Variants in NCAM1 observed in about 807,000 individuals in gnomAD.
NCAM1 encodes neural cell adhesion molecule 1.
NCAM1 carries 14 observed loss-of-function variants against 109.8 expected under a neutral mutation model. The observed-to-expected ratio is 0.13, with a 90% confidence interval of 0.08 to 0.20. The LOEUF (loss-of-function observed/expected upper bound fraction) is 0.20. Among genes scored for constraint, NCAM1 ranks in the 10% least tolerant of loss-of-function variants. The pLI is 1.00. For missense variants in NCAM1, 774 were observed against 1,109.9 expected, an observed-to-expected ratio of 0.70 and a Z score of 4.30; for synonymous variants, 418 against 442.9, an observed-to-expected ratio of 0.94 and a Z score of 0.70.
chr11:113,220,602 C>CTTTTTTTTTTTTTTTTTTTT (rs1175342641), intron 8 of NCAM1, among the ~76,000 whole-genome samples: 6 of 75,592 alleles, frequency 7.9e-5, no homozygotes, highest in African/African-American at 1.8e-4. Context: ...CTCTCTCTCT[C>CTTTTTTTTTTTTTTTTTTTT]TTTTTTTTTT....
At position 112,962,297 on chromosome 11, in the gene NCAM1, T is replaced by C. The variant is rs191153924; in HGVS notation, c.52+633T>C. On this transcript the variant is annotated intron_variant, in intron 1 of 19. Transcript: ENST00000316851. This position sits in a 1 kb window ranked among gnomAD's most constrained non-coding sequence, Gnocchi z 5.6. ...CCCCAGTCGACATGACGTTAGTTTT[T>C]CATTTGCCAAATTGCTGGTTAGTTG... Among the ~76,000 whole-genome samples the C allele has an allele frequency of 5.1e-4, 77 of 152,342 alleles. No homozygotes were observed. The highest frequency in any genetic ancestry group is 1.3e-3 in the African/African-American group (53 of 41,590).
At chr11:113,252,320 C>T (rs539997500) in intron 15 of NCAM1, among the ~76,000 whole-genome samples, 26 of 150,770 alleles carry the variant, frequency 1.7e-4, no homozygotes, top group Non-Finnish European at 2.4e-4. Context: ...GTGAGTGAAT[C>T]GCTTGAGTCA....
At chr11:113,101,522 G>A (rs1939873706) in intron 1 of NCAM1, among the ~76,000 whole-genome samples, 1 of 151,892 alleles carries the variant, frequency 6.6e-6, no homozygotes, top group African/African-American at 2.4e-5. Context: ...ATAAATCCTG[G>A]TGTCACACTT....
At chr11:113,111,693 C>T (rs1028276256) in intron 1 of NCAM1, among the ~76,000 whole-genome samples, 4 of 152,044 alleles carry the variant, frequency 2.6e-5, no homozygotes, top group African/African-American at 4.8e-5. Context: ...AAATATAAGC[C>T]GATGTTAACA....
chr11:113,203,250 G>A (rs954523219), intron 2 of NCAM1, among the ~76,000 whole-genome samples: 8 of 152,212 alleles, frequency 5.3e-5, no homozygotes, highest in Non-Finnish European at 1.2e-4. Flanking sequence ...CATGATTTGC[G>A]TGGACGAGGT....
intron 1 of NCAM1, among the ~76,000 whole-genome samples, chr11:113,103,545 C>T (rs1555091895): frequency 6.6e-6 from 1 of 152,130 alleles, no homozygotes; most frequent in African/African-American, 2.4e-5. Context: ...ACAGGTATCC[C>T]ATCTACGTTA....
chr11:113,075,965 G>T (rs1938506382), intron 1 of NCAM1, among the ~76,000 whole-genome samples: 6 of 151,956 alleles, frequency 3.9e-5, no homozygotes, highest in Admixed American at 3.9e-4. Flanking sequence ...TAGAAATAAA[G>T]CTAAAATGGA....
chr11:113,205,796 G>A lies in NCAM1; in HGVS notation c.490+130G>A. 2.3e-6 allele frequency: 3 copies of A among 1,305,896 alleles called. No homozygotes were observed. The South Asian group carries it at 4.3e-5, about 19-fold the overall frequency. The allele number at this position is 1,305,896 out of a possible 1,614,324, so 80.9% of individuals were successfully genotyped here. A position where few individuals can be genotyped will look rare whatever the true frequency, so the allele number is the denominator to read the frequency against. Reference sequence around the variant, plus strand: ...GCCCGAACCCTCATGTGGTTTCTGGGTCCTGAATAGATGCATATCTGAAGT... The same window carrying A: ...GCCCGAACCCTCATGTGGTTTCTGGATCCTGAATAGATGCATATCTGAAGT... On this transcript the variant is annotated intron_variant, in intron 4 of 19. Coordinates refer to ENST00000316851, the MANE Select transcript of NCAM1 (RefSeq NM_181351.5).
chr11:112,986,419 C>G (rs1009361233), intron 1 of NCAM1, among the ~76,000 whole-genome samples: 1 of 151,952 alleles, frequency 6.6e-6, no homozygotes, highest in East Asian at 1.9e-4. Flanking sequence ...GTAATGCTGA[C>G]TTAGTAAAAT....
At chr11:113,121,801 T>C (rs968947068) in intron 1 of NCAM1, among the ~76,000 whole-genome samples, 1 of 152,190 alleles carries the variant, frequency 6.6e-6, no homozygotes, top group Non-Finnish European at 1.5e-5. Flanking sequence ...ATTTTTGAGT[T>C]GTCTGTAAAT....
At chr11:113,147,214 C>T (rs527656505) in intron 1 of NCAM1, among the ~76,000 whole-genome samples, 1 of 152,304 alleles carries the variant, frequency 6.6e-6, no homozygotes, top group South Asian at 2.1e-4. Context: ...TTTTTCCTTT[C>T]CTTACTAAAG....
chr11:113,274,125 C>T lies in NCAM1; in HGVS notation c.2457-1142C>T, dbSNP rs1555126096. ...AGTCGGTGTGTTATTCAGTGCCAGG[C>T]TGAGTCCCTACCAGAAAGGCACTGA... On this transcript the variant is annotated intron_variant, in intron 19 of 19. Transcript: ENST00000316851. This position sits in a 1 kb window ranked among gnomAD's most constrained non-coding sequence, Gnocchi z 4.1. Among the ~76,000 whole-genome samples, 1 of 152,166 alleles carries T rather than the reference C, an allele frequency of 6.6e-6. No individual in the cohort carries two copies.
At chr11:113,123,519 G>A (rs1941051712) in intron 1 of NCAM1, among the ~76,000 whole-genome samples, 1 of 152,090 alleles carries the variant, frequency 6.6e-6, no homozygotes, top group African/African-American at 2.4e-5. Flanking sequence ...TTTTAGGGTG[G>A]GGCGGAGATA....
intron 1 of NCAM1, among the ~76,000 whole-genome samples, chr11:113,011,980 C>CTTCA (rs1470663500): frequency 7.0e-6 from 1 of 142,046 alleles, no homozygotes; most frequent in Non-Finnish European, 1.5e-5. Context: ...TCCTTCCTTC[C>CTTCA]TTCCTTCCTT....
At chr11:113,150,242 C>G (rs561698987) in intron 1 of NCAM1, among the ~76,000 whole-genome samples, 1 of 152,074 alleles carries the variant, frequency 6.6e-6, no homozygotes, top group African/African-American at 2.4e-5. Context: ...ATTAATATAT[C>G]AAGCAATGTA....
chr11:113,097,605 CTTTTT>C (rs36089828), intron 1 of NCAM1, among the ~76,000 whole-genome samples: 3 of 142,118 alleles, frequency 2.1e-5, no homozygotes, highest in Non-Finnish European at 4.6e-5. Context: ...GTGACTTGGG[CTTTTT>C]TTTTTTTTTT....
chr11:112,992,850 A>G (rs1951500960), intron 1 of NCAM1, among the ~76,000 whole-genome samples: 1 of 152,162 alleles, frequency 6.6e-6, no homozygotes, highest in Non-Finnish European at 1.5e-5. Flanking sequence ...AATATTTCAT[A>G]TTAATGTATA....
intron 1 of NCAM1, among the ~76,000 whole-genome samples, chr11:113,155,118 T>A (rs1421296422): frequency 2.0e-5 from 3 of 152,056 alleles, no homozygotes; most frequent in Admixed American, 1.3e-4. Context: ...ATTAGATGGC[T>A]CCATAACATC....
At chr11:113,207,568 T>C (rs782752474) in intron 6 of NCAM1, among the ~76,000 whole-genome samples, 190 bp downstream of exon 6, 1 of 152,164 alleles carries the variant, frequency 6.6e-6, no homozygotes, top group Non-Finnish European at 1.5e-5. Flanking sequence ...TTCAGCCTTG[T>C]GGGGGCAGAG....
Sources: allele counts gnomAD v4.1 joint callset (sites outside exome capture counted in the v4.1 genomes callset), GRCh38; gene constraint gnomAD v4.1.1; non-coding constraint Gnocchi (gnomAD v3.1); transcripts MANE v1.5; gene names NCBI Gene and HGNC (gene_info 2026-07-23, HGNC 2026-07-21).